TECTA: variants seen among roughly 807,000 people sequenced by gnomAD.
TECTA encodes the protein alpha-tectorin.
A neutral mutation model predicts 216.8 loss-of-function variants in TECTA; 128 were observed. The observed-to-expected ratio is 0.59, with a 90% CI of 0.51 to 0.68. The LOEUF (loss-of-function observed/expected upper bound fraction) is 0.68, where lower values mean the gene tolerates loss of function less well. TECTA is among the 30% of genes least tolerant of loss of function. The pLI is 0.00. For synonymous variants in TECTA, 1,089 were observed against 1,117.1 expected, an observed-to-expected ratio of 0.97 and a Z score of 0.50; for missense variants, 2,551 against 2,786.2, an observed-to-expected ratio of 0.92 and a Z score of 1.90.
chr11:121,118,566 C>A lies in TECTA; in HGVS notation c.1051C>A (p.Gln351Lys). The change falls in exon 7 of 24, where the codon CAG becomes AAG. Residue 351 changes from glutamine to lysine, a missense_variant. Physicochemically the swap from Gln to Lys is moderately conservative, Grantham distance 53 (BLOSUM62 1). This residue lies in a region of TECTA where 2,375 missense variants were observed against 2,563.9 expected (regional missense o/e 0.93). Transcript: ENST00000392793. ...CTCCTGTGCCTACTTGCTGGCCCGA[C>A]AGTGTTTGCAGACTTCCAGCCTCCC... Reference protein sequence around the residue: ...QGSCAYLLARQCLQTSSLPFF... With the variant: ...QGSCAYLLARKCLQTSSLPFF... 6.2e-7 allele frequency: 1 copy of A among 1,614,204 alleles called. No individual in the cohort carries two copies. Among genetic ancestry groups the A allele is most frequent in the Non-Finnish European group, 8.5e-7 (1 of 1,180,048 alleles).
chr11:121,190,907 C>G lies in TECTA; in HGVS notation c.*101C>G. 1.1e-6 allele frequency: 1 copy of G among 918,022 alleles called. No individual in the cohort carries two copies. Among genetic ancestry groups the G allele is most frequent in the South Asian group, 1.4e-5 (1 of 71,462 alleles). The allele number at this position is 918,022 out of a possible 1,614,324, so 56.9% of individuals were successfully genotyped here. A position where few individuals can be genotyped will look rare whatever the true frequency, so the allele number is the denominator to read the frequency against. ...TAAGTCAAAACCTATTTGAAAGTGT[C>G]CAGCATCTCAAAATGATGCCACCTG... On this transcript the variant is annotated 3_prime_UTR_variant, in exon 24 of 24. Coordinates refer to ENST00000392793, the MANE Select transcript of TECTA (RefSeq NM_005422.4).
Position 121,145,576 on chromosome 11 carries a change from C to G in TECTA, c.3565C>G (p.Leu1189Val), listed in dbSNP as rs1173023675. 4 of 1,614,130 alleles carry G rather than the reference C, an allele frequency of 2.5e-6. No individual in the cohort carries two copies. The African/African-American group carries it at 5.3e-5, about 22-fold the overall frequency. ...ACAGGTCAACAGTGAACGGCTCTAT[C>G]TGCCCCTGAAGCTGGGGCAAGGGAA... ...TVLVNSERLY[L>V]PLKLGQGKIN... The change falls in exon 12 of 24, where the codon CTG (leucine) becomes GTG (valine). Residue 1189 changes from leucine to valine, a missense_variant. By Grantham distance (32) the Leu-to-Val change is conservative (BLOSUM62 1). This residue lies in a region of TECTA where 2,375 missense variants were observed against 2,563.9 expected (regional missense o/e 0.93). Transcript: ENST00000392793.
chr11:121,132,487 A>AGAT (rs1271246662), intron 10 of TECTA, among the ~76,000 whole-genome samples: 1 of 152,140 alleles, frequency 6.6e-6, no homozygotes, highest in Non-Finnish European at 1.5e-5. Flanking sequence ...AGTGTTGAGG[A>AGAT]GATAGGATCT....
rs145556510 is a variant in TECTA at position 121,184,153 on chromosome 11, C to T, written c.6000-3679C>T. Among the ~76,000 whole-genome samples the T allele has an allele frequency of 1.3e-4, 20 of 152,308 alleles. No homozygotes were observed. The East Asian group carries it at 3.9e-3, about 29-fold the overall frequency. ...CAATTCTAAGTGGTAGAGACCCATT[C>T]AAACTAGTTTATGCAAAAACCAAGG... is the stretch of plus-strand genomic sequence containing the variant. On this transcript the variant is annotated intron_variant, in intron 20 of 23. Transcript: ENST00000392793.
intron 20 of TECTA, among the ~76,000 whole-genome samples, chr11:121,169,512 T>C (rs1211011447): frequency 6.6e-6 from 1 of 152,172 alleles, no homozygotes; most frequent in African/African-American, 2.4e-5. Flanking sequence ...AAAAATACTT[T>C]CTGGTTACAT....
At chr11:121,187,243 G>A (rs1464818512) in intron 20 of TECTA, among the ~76,000 whole-genome samples, 2 of 152,196 alleles carry the variant, frequency 1.3e-5, no homozygotes, top group Non-Finnish European at 1.5e-5. Flanking sequence ...AGTTATCTGT[G>A]CCTGAGATAT....
chr11:121,114,658 T>TACCCACCC (rs1219811586), intron 6 of TECTA, among the ~76,000 whole-genome samples: 4 of 63,360 alleles, frequency 6.3e-5, no homozygotes, highest in African/African-American at 2.7e-4. Context: ...TCCATCCACC[T>TACCCACCC]ACCCACCCAC....
At chr11:121,120,281 G>T (rs1006041692) in intron 7 of TECTA, among the ~76,000 whole-genome samples, 1 of 152,122 alleles carries the variant, frequency 6.6e-6, no homozygotes, top group African/African-American at 2.4e-5. Context: ...TTTCTGTAGC[G>T]ACAGGGCGAT....
At chr11:121,102,523 G>T in intron 1 of TECTA, 142 bp from the exon 2 acceptor site, 1 of 696,340 alleles carries the variant, frequency 1.4e-6, no homozygotes, top group South Asian at 1.6e-5. Context: ...ATTTCAGCCC[G>T]ACTCAGCACT....
intron 10 of TECTA, among the ~76,000 whole-genome samples, chr11:121,135,897 G>A (rs1188579701): frequency 6.6e-6 from 1 of 152,088 alleles, no homozygotes; most frequent in Non-Finnish European, 1.5e-5. Context: ...TAAAGTAATA[G>A]TGAGAAATAG....
At chr11:121,152,149 A>G (rs1389809593) in intron 12 of TECTA, among the ~76,000 whole-genome samples, 2 of 152,232 alleles carry the variant, frequency 1.3e-5, no homozygotes, top group African/African-American at 2.4e-5. Context: ...CCTGCCTTCT[A>G]TAGAAGCATC....
At chr11:121,109,663 T>C in intron 4 of TECTA, 165 bp downstream of exon 4, 1 of 790,554 alleles carries the variant, frequency 1.3e-6, no homozygotes. Flanking sequence ...GAGGGAACTA[T>C]CACAGTTAAC....
At chr11:121,184,881 C>G (rs141553950) in intron 20 of TECTA, among the ~76,000 whole-genome samples, 1 of 152,290 alleles carries the variant, frequency 6.6e-6, no homozygotes, top group East Asian at 1.9e-4. Flanking sequence ...GTCCTGCAGG[C>G]CTAGATGAGT....
intron 20 of TECTA, among the ~76,000 whole-genome samples, chr11:121,180,895 C>T (rs1947221539): frequency 6.7e-6 from 1 of 149,340 alleles, no homozygotes; most frequent in Non-Finnish European, 1.5e-5. Context: ...TGGCCAGGCA[C>T]AGTGGCTCAC....
chr11:121,180,291 A>G (rs1947213544), intron 20 of TECTA, among the ~76,000 whole-genome samples: 1 of 152,138 alleles, frequency 6.6e-6, no homozygotes, highest in Non-Finnish European at 1.5e-5. Flanking sequence ...ACACACTTAA[A>G]TGTTCTTGTA....
In TECTA at chr11:121,146,090, C is replaced by T. The variant is rs1946835831; in HGVS notation, c.4079C>T (p.Thr1360Ile). ...STCQTQGITV[T>I]GWRNYTSCTV... ...TGCCAGACTCAGGGGATTACGGTGA[C>T]TGGCTGGAGGAATTACACGTCCTGC... Residue 1360 changes from threonine to isoleucine, a missense_variant, in exon 12 of 24, where the codon ACT becomes ATT. Transcript: ENST00000392793. 6.2e-7 allele frequency: 1 copy of T among 1,610,988 alleles called. No homozygotes were observed. Among genetic ancestry groups the T allele is most frequent in the Non-Finnish European group, 8.5e-7 (1 of 1,180,032 alleles).
chr11:121,182,011 A>G (rs992155576), intron 20 of TECTA, among the ~76,000 whole-genome samples: 1 of 152,304 alleles, frequency 6.6e-6, no homozygotes, highest in Non-Finnish European at 1.5e-5. Context: ...AGCATCAGTC[A>G]TGTCTGTGAG....
At chr11:121,125,894 A>G (rs748549698) in intron 8 of TECTA, 22 bp downstream of exon 8, 1 of 1,602,054 alleles carries the variant, frequency 6.2e-7, no homozygotes, top group East Asian at 2.2e-5. Flanking sequence ...TCCCATCCCC[A>G]TGACAGGTCT....
intron 13 of TECTA, among the ~76,000 whole-genome samples, chr11:121,155,775 A>G (rs546751829): frequency 1.3e-5 from 2 of 152,300 alleles, no homozygotes; most frequent in South Asian, 4.1e-4. Flanking sequence ...TTGGTACCAC[A>G]TCCCACTTGG....
Sources: gnomAD v4.1 joint callset for allele counts (sites outside exome capture counted in the v4.1 genomes callset) on GRCh38, gnomAD v4.1.1 for gene constraint, gnomAD v4.1.1 regional missense constraint, MANE v1.5 for transcripts, NCBI Gene and HGNC (gene_info 2026-07-23, HGNC 2026-07-21) for gene names.